ADGRL3: variants seen among roughly 807,000 people sequenced by gnomAD.
ADGRL3 encodes the protein calcium-independent alpha-latrotoxin receptor 3.
In ADGRL3, 62 loss-of-function variants were observed where a neutral mutation model predicts 153.5. The ratio of observed to expected loss-of-function variants is 0.40; its 90% CI spans 0.33 to 0.50. The LOEUF (loss-of-function observed/expected upper bound fraction) is 0.50, where lower values mean the gene tolerates loss of function less well. Among genes scored for constraint, ADGRL3 ranks in the 20% least tolerant of loss-of-function variants. The pLI, the probability that ADGRL3 is intolerant of heterozygous loss-of-function variation, is 0.47. For missense variants in ADGRL3, 1,641 were observed against 1,859.4 expected, an observed-to-expected ratio of 0.88 and a Z score of 2.16; for synonymous variants, 710 against 672.5, an observed-to-expected ratio of 1.06 and a Z score of -0.86.
intron 3 of ADGRL3, among the ~76,000 whole-genome samples, chr4:61,511,842 T>A (rs920950926): frequency 6.6e-6 from 1 of 152,208 alleles, no homozygotes; most frequent in African/African-American, 2.4e-5. Context: ...TGCTGCAATT[T>A]CTACATGATG....
At position 61,979,593 on chromosome 4, in the gene ADGRL3, G is replaced by A; in HGVS notation, c.2836G>A (p.Asp946Asn). Residue 946 changes from aspartate (D) to asparagine (N), a missense_variant, in exon 18 of 27, where the codon GAT (aspartate) becomes AAT (asparagine). By Grantham distance (23) the Asp-to-Asn change is conservative. Coordinates refer to ENST00000683033, the MANE Select transcript of ADGRL3 (RefSeq NM_001387552.1). ...TGATGCGGTCCATGACCTCCTTCTG[G>A]ATGTGATCACGTGGGTTGGAATTTT... Reference protein sequence around the residue: ...HSDAVHDLLLDVITWVGILLS... With the variant: ...HSDAVHDLLLNVITWVGILLS... The A allele has an allele frequency of 6.2e-7, 1 of 1,613,822 alleles. No homozygotes were observed. The highest frequency in any genetic ancestry group is 2.2e-5 in the East Asian group (1 of 44,864).
At chr4:61,994,877 T>C (rs1276486623) in intron 19 of ADGRL3, among the ~76,000 whole-genome samples, 3 of 151,958 alleles carry the variant, frequency 2.0e-5, no homozygotes, top group Non-Finnish European at 2.9e-5. Context: ...TGATATAGTT[T>C]AGATTCTGTC....
chr4:61,286,823 G>A (rs896503853), intron 1 of ADGRL3, among the ~76,000 whole-genome samples: 3 of 151,352 alleles, frequency 2.0e-5, no homozygotes, highest in African/African-American at 7.2e-5. Flanking sequence ...TATAATCTTG[G>A]GAATCATCTT....
intron 17 of ADGRL3, among the ~76,000 whole-genome samples, chr4:61,970,692 G>A (rs571634922): frequency 6.6e-6 from 1 of 152,236 alleles, no homozygotes; most frequent in African/African-American, 2.4e-5. Flanking sequence ...TTTTCAATTT[G>A]ATACAAACTT....
At chr4:61,473,287 AAGAT>A (rs2097992115) in intron 2 of ADGRL3, among the ~76,000 whole-genome samples, 2 of 151,622 alleles carry the variant, frequency 1.3e-5, no homozygotes, top group South Asian at 4.2e-4. Flanking sequence ...ATTTCCAAGA[AAGAT>A]AGAGATTAGA....
At chr4:61,963,540 C>A (rs892280949) in intron 17 of ADGRL3, among the ~76,000 whole-genome samples, 1 of 152,070 alleles carries the variant, frequency 6.6e-6, no homozygotes, top group Non-Finnish European at 1.5e-5. Context: ...TGCATTAAGT[C>A]TCTTAGAAAA....
At chr4:61,861,602 C>G (rs2098340997) in intron 9 of ADGRL3, among the ~76,000 whole-genome samples, 1 of 151,846 alleles carries the variant, frequency 6.6e-6, no homozygotes, top group African/African-American at 2.4e-5. Flanking sequence ...TTTTATACTG[C>G]TCATGACAAG....
intron 8 of ADGRL3, among the ~76,000 whole-genome samples, chr4:61,793,107 G>A (rs925957586): frequency 1.3e-5 from 2 of 152,050 alleles, no homozygotes; most frequent in African/African-American, 4.8e-5. Flanking sequence ...GAGAGCTTGT[G>A]CAGGGGAACT....
At chr4:61,504,927 C>T (rs1043099378) in intron 3 of ADGRL3, among the ~76,000 whole-genome samples, 11 of 152,116 alleles carry the variant, frequency 7.2e-5, no homozygotes, top group African/African-American at 2.7e-4. Flanking sequence ...TATGAGAGTG[C>T]ACATAGCTCT....
intron 11 of ADGRL3, among the ~76,000 whole-genome samples, chr4:61,904,323 AT>A: frequency 1.3e-5 from 2 of 150,378 alleles, no homozygotes; most frequent in South Asian, 4.2e-4. Flanking sequence ...TTGCCTGGCT[AT>A]TTTTTGTAGA....
chr4:61,904,247 T>C (rs916442031), intron 11 of ADGRL3, among the ~76,000 whole-genome samples: 10 of 151,476 alleles, frequency 6.6e-5, no homozygotes, highest in Non-Finnish European at 1.2e-4. Flanking sequence ...TCATTAGAGA[T>C]TTTCTTATTT....
intron 8 of ADGRL3, among the ~76,000 whole-genome samples, chr4:61,788,214 T>G (rs1438770238): frequency 6.6e-6 from 1 of 152,130 alleles, no homozygotes; most frequent in Non-Finnish European, 1.5e-5. Flanking sequence ...TGTGACAACT[T>G]TACTGCAAGC....
chr4:61,923,574 T>C (rs1471988839), intron 13 of ADGRL3, among the ~76,000 whole-genome samples: 6 of 152,178 alleles, frequency 3.9e-5, no homozygotes, highest in African/African-American at 1.2e-4. Context: ...TGCGTGTCTC[T>C]GTACCTTTAT....
rs1228483986 is a variant in ADGRL3 at position 61,386,180 on chromosome 4, G to GA, written c.-174+2996dup. Among the ~76,000 whole-genome samples, 5 of 152,170 alleles carry GA rather than the reference G, an allele frequency of 3.3e-5. No individual in the cohort carries two copies. In the South Asian group the frequency reaches 1.0e-3, roughly 32 times the overall value. ...TTATGTAGCCCTAACGTCAAAATTG[G>GA]AAAAATGAAGATTATTTTACTAATA... On this transcript the variant is annotated intron_variant, in intron 2 of 26. Coordinates refer to ENST00000683033, the MANE Select transcript of ADGRL3 (RefSeq NM_001387552.1).
chr4:61,653,333 TTA>T (rs1363538213), intron 5 of ADGRL3, among the ~76,000 whole-genome samples: 1 of 152,094 alleles, frequency 6.6e-6, no homozygotes, highest in Non-Finnish European at 1.5e-5. Flanking sequence ...AGAAACAAAG[TTA>T]TGTTATTTAA....
intron 5 of ADGRL3, among the ~76,000 whole-genome samples, chr4:61,590,938 G>A (rs1018049587): frequency 5.9e-5 from 9 of 152,098 alleles, no homozygotes; most frequent in African/African-American, 1.9e-4. Flanking sequence ...TGCTGTGGAC[G>A]TTTTATTGAT....
At chr4:61,590,859 G>T (rs1052668256) in intron 5 of ADGRL3, among the ~76,000 whole-genome samples, 2 of 152,114 alleles carry the variant, frequency 1.3e-5, no homozygotes, top group Non-Finnish European at 2.9e-5. Flanking sequence ...CACTAGAAAA[G>T]AACACAAGGG....
At chr4:61,988,407 C>G (rs1027737051) in intron 19 of ADGRL3, among the ~76,000 whole-genome samples, 5 of 152,062 alleles carry the variant, frequency 3.3e-5, no homozygotes, top group Non-Finnish European at 5.9e-5. Context: ...TCATTTATCT[C>G]TTTCTTATAT....
At chr4:61,292,988 A>G (rs149028865) in intron 1 of ADGRL3, among the ~76,000 whole-genome samples, 92 of 152,282 alleles carry the variant, frequency 6.0e-4, no homozygotes, top group Middle Eastern at 3.4e-3. Context: ...GGGATTTCAC[A>G]GACCATTCAG....
Sources: gnomAD v4.1 joint callset for allele counts (sites outside exome capture counted in the v4.1 genomes callset) on GRCh38, gnomAD v4.1.1 for gene constraint, MANE v1.5 for transcripts, NCBI Gene and HGNC (gene_info 2026-07-23, HGNC 2026-07-21) for gene names.